TTC28: variants seen among roughly 807,000 people sequenced by gnomAD.
TTC28 encodes the protein tetratricopeptide repeat protein 28.
TTC28 carries 61 observed loss-of-function variants against 198.0 expected under a neutral mutation model. That is an observed-to-expected ratio of 0.31 (90% CI 0.25 to 0.38). The LOEUF is 0.38. TTC28 is among the 10% of genes least tolerant of loss of function. TTC28 has a pLI of 1.00. For missense variants in TTC28, 2,678 were observed against 3,164.0 expected (o/e 0.85, Z 3.69); for synonymous variants, 1,171 against 1,297.8 (o/e 0.90, Z 2.10).
intron 2 of TTC28, among the ~76,000 whole-genome samples, chr22:28,307,515 C>T (rs1184477110): frequency 6.6e-6 from 1 of 152,044 alleles, no homozygotes; most frequent in Non-Finnish European, 1.5e-5. Context: ...TGGGCTCAAG[C>T]GATCCTCCCA....
chr22:28,030,878 G>C (rs745818081), intron 12 of TTC28, among the ~76,000 whole-genome samples: 3 of 152,220 alleles, frequency 2.0e-5, no homozygotes, highest in Non-Finnish European at 2.9e-5. Flanking sequence ...GCATTTTCCA[G>C]ATGAGGAGAC....
chr22:28,558,012 G>A (rs766742406), intron 2 of TTC28, among the ~76,000 whole-genome samples: 3 of 152,040 alleles, frequency 2.0e-5, no homozygotes, highest in Non-Finnish European at 2.9e-5. Context: ...ATTTTTAGCT[G>A]TAATTTTGTC....
intron 2 of TTC28, among the ~76,000 whole-genome samples, chr22:28,376,966 G>GA (rs1351008844): frequency 2.6e-5 from 4 of 151,694 alleles, no homozygotes; most frequent in African/African-American, 9.7e-5. Flanking sequence ...AAGCCAGAGT[G>GA]AAAAAAACCT....
intron 2 of TTC28, among the ~76,000 whole-genome samples, chr22:28,433,370 T>C (rs1184688422): frequency 1.3e-5 from 2 of 152,038 alleles, no homozygotes; most frequent in Non-Finnish European, 2.9e-5. Context: ...GATACGGCCC[T>C]CCCCCTTAAA....
chr22:28,514,304 C>T (rs542658064), intron 2 of TTC28, among the ~76,000 whole-genome samples: 16 of 152,274 alleles, frequency 1.1e-4, no homozygotes, highest in Admixed American at 9.2e-4. Context: ...ATTAGCAGTA[C>T]GAGTCTCTCT....
intron 6 of TTC28, among the ~76,000 whole-genome samples, chr22:28,132,532 G>C (rs1017498698): frequency 2.0e-5 from 3 of 152,144 alleles, no homozygotes; most frequent in Admixed American, 6.5e-5. Flanking sequence ...GTAAGAGTTA[G>C]ACTGAATATT....
intron 2 of TTC28, among the ~76,000 whole-genome samples, chr22:28,562,321 G>C (rs1015021125): frequency 6.6e-6 from 1 of 152,136 alleles, no homozygotes; most frequent in Non-Finnish European, 1.5e-5. Context: ...CTCCATTATA[G>C]ATGTATAAAA....
At chr22:28,325,254 T>C (rs1272674140) in intron 2 of TTC28, among the ~76,000 whole-genome samples, 2 of 152,232 alleles carry the variant, frequency 1.3e-5, no homozygotes, top group Non-Finnish European at 1.5e-5. Context: ...TTTTCTAGTT[T>C]ATTTGCATAG....
chr22:28,327,645 C>T (rs1278552995), intron 2 of TTC28, among the ~76,000 whole-genome samples: 1 of 152,038 alleles, frequency 6.6e-6, no homozygotes, highest in African/African-American at 2.4e-5. Flanking sequence ...AAATAACTAC[C>T]GTAAATAATA....
At chr22:28,239,868 G>C (rs527483783) in intron 5 of TTC28, among the ~76,000 whole-genome samples, 24 of 152,300 alleles carry the variant, frequency 1.6e-4, no homozygotes, top group Non-Finnish European at 2.4e-4. Context: ...CCCTGAAGGA[G>C]ATCTAATCTT....
chr22:28,415,224 A>G (rs2047149674), intron 2 of TTC28, among the ~76,000 whole-genome samples: 1 of 152,218 alleles, frequency 6.6e-6, no homozygotes, highest in Admixed American at 6.5e-5. Context: ...AATGACAAGA[A>G]GATATTATCA....
Position 27,980,872 on chromosome 22 carries a change from T to C in TTC28, c.*1349A>G, listed in dbSNP as rs751927242. The stretch of plus-strand genomic sequence containing the variant: ...ACAATTTAAGTTACCGTCAGAGCTG[T>C]AGGAGAAGTCCACCTCCACTTTTTA... On this transcript the variant is annotated 3_prime_UTR_variant, in exon 23 of 23. Coordinates refer to ENST00000397906, the MANE Select transcript of TTC28 (RefSeq NM_001145418.2). 3 of 152,292 alleles carry C rather than the reference T, an allele frequency of 2.0e-5. No homozygotes were observed. The highest frequency in any genetic ancestry group is 4.4e-5 in the Non-Finnish European group (3 of 68,066). The allele number at this position is 152,292 out of a possible 1,614,324, so 9.4% of individuals were successfully genotyped here.
At chr22:28,206,290 A>C (rs1358916768) in intron 5 of TTC28, among the ~76,000 whole-genome samples, 8 of 152,172 alleles carry the variant, frequency 5.3e-5, no homozygotes, top group South Asian at 4.1e-4. Flanking sequence ...TGGCCCCCTC[A>C]AATTTCTTCT....
At chr22:28,291,443 G>T (rs2044785993) in intron 5 of TTC28, among the ~76,000 whole-genome samples, 1 of 152,090 alleles carries the variant, frequency 6.6e-6, no homozygotes, top group Admixed American at 6.5e-5. Flanking sequence ...CTTTATAAAA[G>T]AAATTTTAAA....
chr22:28,198,347 C>T (rs922797576), intron 5 of TTC28, among the ~76,000 whole-genome samples: 7 of 151,918 alleles, frequency 4.6e-5, no homozygotes, highest in Non-Finnish European at 7.4e-5. Flanking sequence ...AAAAGTATTT[C>T]CCAGTTGAGA....
intron 2 of TTC28, among the ~76,000 whole-genome samples, chr22:28,537,299 A>ATAAATTAAATTAAATTAAATT (rs1491268139): frequency 1.9e-5 from 2 of 103,682 alleles, no homozygotes; most frequent in Non-Finnish European, 4.3e-5. Flanking sequence ...TCTCAAAAAT[A>ATAAATTAAATTAAATTAAATT]AAATAAAATA....
chr22:28,099,081 G>A (rs1166884683), intron 9 of TTC28, 37 bp from the exon 10 acceptor site: 5 of 1,550,916 alleles, frequency 3.2e-6, no homozygotes, highest in African/African-American at 1.4e-5. Context: ...CCATTCCCCA[G>A]AAACCAATGT....
intron 2 of TTC28, among the ~76,000 whole-genome samples, chr22:28,511,333 C>T (rs1490079091): frequency 2.0e-5 from 3 of 151,990 alleles, no homozygotes; most frequent in Non-Finnish European, 4.4e-5. Context: ...GAACAGAATA[C>T]AGAACTCAGA....
chr22:28,194,708 A>T (rs998166303), intron 5 of TTC28, among the ~76,000 whole-genome samples: 2 of 145,816 alleles, frequency 1.4e-5, no homozygotes, highest in African/African-American at 5.2e-5. Flanking sequence ...TTCCTCAACA[A>T]ATACACCCAC....
Sources: allele counts gnomAD v4.1 joint callset (sites outside exome capture counted in the v4.1 genomes callset), GRCh38; gene constraint gnomAD v4.1.1; transcripts MANE v1.5; gene names NCBI Gene and HGNC (gene_info 2026-07-23, HGNC 2026-07-21).